The following EYS variants were observed in gnomAD, a reference collection of about 807,000 sequenced individuals.
EYS encodes EGF-like photoreceptor maintenance factor.
A neutral mutation model predicts 282.1 loss-of-function variants in EYS; 250 were observed. That is an observed-to-expected ratio of 0.89 (90% CI 0.80 to 0.98). The LOEUF (loss-of-function observed/expected upper bound fraction) is 0.98. EYS is among the 50% of genes least tolerant of loss of function. The pLI is 0.00. For missense variants in EYS, 4,016 were observed against 3,709.0 expected (o/e 1.08, Z -2.15); for synonymous variants, 1,355 against 1,282.9 (o/e 1.06, Z -1.20).
intron 26 of EYS, among the ~76,000 whole-genome samples, chr6:64,526,339 T>C (rs2150528856): frequency 6.6e-6 from 1 of 151,896 alleles, no homozygotes; most frequent in East Asian, 1.9e-4. Context: ...CCTGGGGAAA[T>C]TGGTTAAAGA....
intron 12 of EYS, among the ~76,000 whole-genome samples, chr6:65,166,512 T>C (rs1479568559): frequency 6.6e-6 from 1 of 151,146 alleles, no homozygotes; most frequent in Non-Finnish European, 1.5e-5. Context: ...ATTTTGTTTA[T>C]CCACATACAA....
intron 26 of EYS, among the ~76,000 whole-genome samples, chr6:64,469,827 G>A (rs1776053767): frequency 1.3e-5 from 2 of 152,116 alleles, no homozygotes; most frequent in Non-Finnish European, 2.9e-5. Flanking sequence ...GTGATGCTGT[G>A]CTTCAGTGGT....
At chr6:65,506,188 C>A (rs1460115127) in intron 2 of EYS, among the ~76,000 whole-genome samples, 3 of 152,062 alleles carry the variant, frequency 2.0e-5, no homozygotes, top group African/African-American at 7.2e-5. Context: ...TATATCTTTT[C>A]TCGTCTCTTT....
At position 65,600,300 on chromosome 6, in the gene EYS, T is replaced by C. The variant is rs1051519596; in HGVS notation, c.-333+39478A>G. 5.9e-5 allele frequency among the ~76,000 whole-genome samples: 9 copies of C among 151,994 alleles called. No homozygotes were observed. In the South Asian group the frequency reaches 6.2e-4, roughly 10 times the overall value. ...GACCTGTTGCATTGCTAAGTAATTA[T>C]AGCTGAGCCCCTAGTGATTCAAGTA... On this transcript the variant is annotated intron_variant, in intron 2 of 42. Coordinates refer to ENST00000503581, the MANE Select transcript of EYS (RefSeq NM_001142800.2).
chr6:65,123,749 C>CA (rs1235987780), intron 12 of EYS, among the ~76,000 whole-genome samples: 6 of 141,770 alleles, frequency 4.2e-5, no homozygotes, highest in African/African-American at 1.7e-4. Context: ...ACTTATAACA[C>CA]CCACCCACCC....
At chr6:65,328,429 T>C (rs376459504) in intron 11 of EYS, among the ~76,000 whole-genome samples, 2 of 151,532 alleles carry the variant, frequency 1.3e-5, no homozygotes, top group East Asian at 3.9e-4. Flanking sequence ...TATTGAGTAC[T>C]AAGAGAAATG....
chr6:65,605,191 A>G (rs1238724895), intron 2 of EYS, among the ~76,000 whole-genome samples: 1 of 151,868 alleles, frequency 6.6e-6, no homozygotes, highest in East Asian at 1.9e-4. Flanking sequence ...AAAAATTTCT[A>G]CAGGATGATT....
At chr6:65,236,703 G>T (rs528688881) in intron 12 of EYS, among the ~76,000 whole-genome samples, 2 of 152,232 alleles carry the variant, frequency 1.3e-5, no homozygotes, top group South Asian at 4.1e-4. Context: ...ACTGACTTCA[G>T]TGGTACAGTT....
intron 31 of EYS, among the ~76,000 whole-genome samples, chr6:64,102,370 AT>A (rs1476318737): frequency 6.6e-6 from 1 of 152,146 alleles, no homozygotes; most frequent in Non-Finnish European, 1.5e-5. Flanking sequence ...TCAAGAGTGA[AT>A]TTTGGCAGAC....
intron 26 of EYS, among the ~76,000 whole-genome samples, chr6:64,453,014 C>A (rs1470063383): frequency 6.6e-6 from 1 of 152,148 alleles, no homozygotes; most frequent in East Asian, 1.9e-4. Context: ...CAAATGGGAT[C>A]TAATTAAACT....
chr6:64,813,022 G>C (rs1016175345), intron 22 of EYS, among the ~76,000 whole-genome samples: 3 of 151,738 alleles, frequency 2.0e-5, no homozygotes, highest in African/African-American at 7.3e-5. Flanking sequence ...TGAATCTCTG[G>C]CTAGGAATTA....
In EYS at chr6:64,026,593, C is replaced by A. The variant is rs184947063; in HGVS notation, c.6726-27410G>T. ...TGGGAAGGCAAATGGAGTGAAATAC[C>A]TTATGTCCAAGCTTTCTTTTCATTG... On this transcript the variant is annotated intron_variant, in intron 33 of 42. Transcript: ENST00000503581. Among the ~76,000 whole-genome samples, 232 of 152,218 alleles carry A rather than the reference C, an allele frequency of 1.5e-3. 1 individual carries two copies. Among genetic ancestry groups the A allele is most frequent in the African/African-American group, 5.3e-3 (222 of 41,526 alleles).
At chr6:65,103,227 C>A (rs934060313) in intron 12 of EYS, among the ~76,000 whole-genome samples, 3 of 151,396 alleles carry the variant, frequency 2.0e-5, no homozygotes, top group African/African-American at 7.3e-5. Flanking sequence ...GAGTTTTCAG[C>A]TGTGGTGTCA....
At chr6:65,039,277 T>C (rs183804087) in intron 13 of EYS, among the ~76,000 whole-genome samples, 1 of 151,618 alleles carries the variant, frequency 6.6e-6, no homozygotes, top group Admixed American at 6.6e-5. Context: ...TATTTTCTTA[T>C]TGAATTGCTT....
At chr6:63,905,328 T>A (rs913608149) in intron 35 of EYS, among the ~76,000 whole-genome samples, 13 of 140,670 alleles carry the variant, frequency 9.2e-5, no homozygotes, top group Non-Finnish European at 1.7e-4. Flanking sequence ...TCTTTTTTTT[T>A]CTTTTTTTTT....
chr6:64,435,188 G>T (rs950486868), intron 28 of EYS, among the ~76,000 whole-genome samples: 1 of 151,962 alleles, frequency 6.6e-6, no homozygotes, highest in South Asian at 2.1e-4. Flanking sequence ...GAAAAAAGAT[G>T]ATTTATTAAA....
At chr6:64,446,204 T>C (rs1775111496) in intron 26 of EYS, among the ~76,000 whole-genome samples, 1 of 152,160 alleles carries the variant, frequency 6.6e-6, no homozygotes, top group African/African-American at 2.4e-5. Flanking sequence ...CTTTTATTTT[T>C]CACATGTAAT....
rs1770445893 is a variant in EYS at position 63,789,194 on chromosome 6, C to G, written c.7442G>C (p.Gly2481Ala). The G allele has an allele frequency of 6.4e-7, 1 of 1,551,672 alleles. No homozygotes were observed. The highest frequency in any genetic ancestry group is 1.4e-5 in the African/African-American group (1 of 73,032). ...ATAAACCACACTGCCATTGAGCAGG[C>G]CCACAGCCAGGAAGTCATCGCCATT... ...GLNGDDFLAV[G>A]LLNGSVVYSY... The change falls in exon 38 of 43, where the codon GGC becomes GCC. Residue 2481 changes from glycine (G) to alanine (A), a missense_variant. By Grantham distance (60) the Gly-to-Ala change is moderately conservative (BLOSUM62 0). Transcript: ENST00000503581.
chr6:63,994,422 A>G (rs1347080077), intron 34 of EYS, among the ~76,000 whole-genome samples: 1 of 151,914 alleles, frequency 6.6e-6, no homozygotes, highest in Non-Finnish European at 1.5e-5. Flanking sequence ...ATTCCCTGTT[A>G]GTCACAAGTC....
Sources: gnomAD v4.1 joint callset for allele counts (sites outside exome capture counted in the v4.1 genomes callset) on GRCh38, gnomAD v4.1.1 for gene constraint, MANE v1.5 for transcripts, NCBI Gene and HGNC (gene_info 2026-07-23, HGNC 2026-07-21) for gene names.